Variants in HDLBP observed in about 807,000 individuals in gnomAD.
HDLBP encodes the protein vigilin.
A neutral mutation model predicts 137.3 loss-of-function variants in HDLBP; 30 were observed. That is an observed-to-expected ratio of 0.22 (90% CI 0.16 to 0.30). The LOEUF is 0.30. Among genes scored for constraint, HDLBP ranks in the 10% least tolerant of loss-of-function variants. The pLI, the probability that HDLBP is intolerant of heterozygous loss-of-function variation, is 1.00. For missense variants in HDLBP, 1,119 were observed against 1,667.3 expected (o/e 0.67, Z 5.73); for synonymous variants, 606 against 596.0 (o/e 1.02, Z -0.24).
intron 10 of HDLBP, 107 bp downstream of exon 10, chr2:241,253,286 G>A (rs2072346213): frequency 1.2e-6 from 1 of 823,960 alleles, no homozygotes; most frequent in African/African-American, 1.7e-5. Flanking sequence ...GGATGCCCTG[G>A]GTGTCTGTGC....
intron 1 of HDLBP, among the ~76,000 whole-genome samples, chr2:241,292,950 T>C (rs1460332886): frequency 1.3e-5 from 2 of 152,144 alleles, no homozygotes; most frequent in Non-Finnish European, 2.9e-5. Context: ...GGAGGATCAC[T>C]TGAGTGCGGG....
At position 241,239,713 on chromosome 2, in the gene HDLBP, C is replaced by A. The variant is rs987997770; in HGVS notation, c.2499G>T (p.Val833=). ...TGCCAGAGCGTGGGAAGCTGACCAT[C>A]ACCCCGCCATACTCTTCAGCAATCT... ...LREIAEEYGG[V]MVSFPRSGTQ... Residue 833 remains valine (V), a synonymous_variant, in exon 19 of 28, where the codon GTG becomes GTT. Coordinates refer to ENST00000310931, the MANE Select transcript of HDLBP (RefSeq NM_005336.6). The surrounding 1 kb of genome is among the most constrained non-coding windows in gnomAD (Gnocchi z 4.6). The A allele has an allele frequency of 1.9e-6, 3 of 1,614,176 alleles. No homozygotes were observed. Among genetic ancestry groups the A allele is most frequent in the Non-Finnish European group, 2.5e-6 (3 of 1,180,040 alleles).
At chr2:241,299,743 A>C (rs2075325346) in intron 1 of HDLBP, among the ~76,000 whole-genome samples, 1 of 151,722 alleles carries the variant, frequency 6.6e-6, no homozygotes, top group African/African-American at 2.4e-5. Flanking sequence ...GTGAAACCCT[A>C]TCTCTACTAA....
intron 1 of HDLBP, among the ~76,000 whole-genome samples, chr2:241,285,177 G>C (rs2074756601): frequency 6.6e-6 from 1 of 152,232 alleles, no homozygotes; most frequent in African/African-American, 2.4e-5. Flanking sequence ...ACTGCGCCCA[G>C]CCTTAACCAT....
chr2:241,228,007 T>C lies in HDLBP; in HGVS notation c.*1594A>G, dbSNP rs1468704044. The stretch of plus-strand genomic sequence containing the variant: ...GCCCATTCAGGGCTGCCTGAGCAAA[T>C]GGGGACTTGCCGAGGCAGCTGCAAC... On this transcript the variant is annotated 3_prime_UTR_variant, in exon 28 of 28. Transcript: ENST00000310931. 6.6e-6 allele frequency: 1 copy of C among 152,182 alleles called. No individual in the cohort carries two copies. The highest frequency in any genetic ancestry group is 1.5e-5 in the Non-Finnish European group (1 of 68,034). 9.4% of individuals were successfully genotyped at this position (152,182 alleles called of 1,614,324 possible). A position where few individuals can be genotyped will look rare whatever the true frequency, so the allele number is the denominator to read the frequency against.
At position 241,229,818 on chromosome 2, in the gene HDLBP, A is replaced by G; in HGVS notation, c.3720+15T>C. The G allele has an allele frequency of 9.6e-7, 1 of 1,044,550 alleles. No individual in the cohort carries two copies. The allele number at this position is 1,044,550 out of a possible 1,614,324, so 64.7% of individuals were successfully genotyped here. On this transcript the variant is annotated intron_variant, in intron 27 of 27. Transcript: ENST00000310931. ...CCCTCCCTGGGACCCAGGAGGGCAG[A>G]AGCCCGCATCTGACCTTCTCACTGC...
At position 241,272,235 on chromosome 2, in the gene HDLBP, AC is replaced by A; in HGVS notation, c.-102-3695del. The A allele has an allele frequency of 1.0e-6, 1 of 963,198 alleles. No homozygotes were observed. Among genetic ancestry groups the A allele is most frequent in the Non-Finnish European group, 1.2e-6 (1 of 812,142 alleles). The allele number at this position is 963,198 out of a possible 1,614,324, so 59.7% of individuals were successfully genotyped here. On this transcript the variant is annotated intron_variant, in intron 1 of 27. Coordinates refer to ENST00000310931, the MANE Select transcript of HDLBP (RefSeq NM_005336.6). The surrounding 1 kb of genome is among the most constrained non-coding windows in gnomAD (Gnocchi z 5.6). The stretch of plus-strand genomic sequence containing the variant: ...GCCCCGCCGCCCGGTCTGCGCCCAG[AC>A]CCCCGCCCCGCCGCCACCTGGGGGG...
intron 2 of HDLBP, 107 bp downstream of exon 2, chr2:241,268,370 A>C (rs2073834140): frequency 1.5e-6 from 1 of 676,058 alleles, no homozygotes; most frequent in Admixed American, 6.3e-5. Flanking sequence ...TGAAGGTGTG[A>C]TATAAAGAAA....
intron 11 of HDLBP, 145 bp from the exon 12 acceptor site, chr2:241,250,125 A>G: frequency 1.3e-6 from 1 of 762,872 alleles, no homozygotes; most frequent in South Asian, 2.0e-5. Context: ...TCCCAAACAA[A>G]AATCTCCATT....
At chr2:241,265,251 T>G (rs2073564216) in intron 3 of HDLBP, among the ~76,000 whole-genome samples, 1 of 152,202 alleles carries the variant, frequency 6.6e-6, no homozygotes. Flanking sequence ...AAACCCTGTC[T>G]CTACTAATAA....
intron 1 of HDLBP, among the ~76,000 whole-genome samples, chr2:241,286,638 C>CA (rs1214938070): frequency 6.6e-6 from 1 of 152,216 alleles, no homozygotes; most frequent in Non-Finnish European, 1.5e-5. Context: ...ACCTTGGGCA[C>CA]ACGTCATCAG....
intron 5 of HDLBP, among the ~76,000 whole-genome samples, chr2:241,258,451 G>A (rs1238137804): frequency 6.6e-6 from 1 of 151,912 alleles, no homozygotes; most frequent in Non-Finnish European, 1.5e-5. Context: ...CTGAGCCTAG[G>A]AGGTTGAGGC....
At chr2:241,304,500 C>G (rs2075504429) in intron 1 of HDLBP, among the ~76,000 whole-genome samples, 1 of 152,240 alleles carries the variant, frequency 6.6e-6, no homozygotes, top group African/African-American at 2.4e-5. Context: ...CCAGTGCTAA[C>G]AAGCAGCAGG....
At chr2:241,279,996 G>A (rs2074536804) in intron 1 of HDLBP, 18 of 985,232 alleles carry the variant, frequency 1.8e-5, no homozygotes, top group African/African-American at 5.2e-5. Context: ...GAGGAGCAGC[G>A]GACCAGGGGT....
At chr2:241,286,621 T>C (rs895314981) in intron 1 of HDLBP, among the ~76,000 whole-genome samples, 2 of 152,184 alleles carry the variant, frequency 1.3e-5, no homozygotes, top group African/African-American at 4.8e-5. Flanking sequence ...CAGACTGTGC[T>C]CTGCCCACCT....
intron 16 of HDLBP, chr2:241,246,533 G>C (rs1423146334): frequency 2.0e-6 from 1 of 489,192 alleles, no homozygotes. Context: ...AAGTGCCCAC[G>C]TCAAATGTTA....
chr2:241,244,128 T>A (rs1438219247), intron 16 of HDLBP, among the ~76,000 whole-genome samples: 1 of 152,174 alleles, frequency 6.6e-6, no homozygotes, highest in Non-Finnish European at 1.5e-5. Flanking sequence ...TGAGGCAGAT[T>A]AGAACACTGC....
chr2:241,267,520 C>A lies in HDLBP; in HGVS notation c.-37-614G>T, dbSNP rs1232945941. ...CCCAGGCTCCAGGCATAGATCAACA[C>A]CAGGATCGTTCTCCTAACAGCGACC... On this transcript the variant is annotated intron_variant, in intron 2 of 27. Coordinates refer to ENST00000310931, the MANE Select transcript of HDLBP (RefSeq NM_005336.6). 4 of 1,485,988 alleles carry A rather than the reference C, an allele frequency of 2.7e-6. No homozygotes were observed. In the South Asian group the frequency reaches 3.6e-5, roughly 13 times the overall value. 92.1% of individuals were successfully genotyped at this position (1,485,988 alleles called of 1,614,324 possible).
intron 23 of HDLBP, 37 bp downstream of exon 23, chr2:241,235,084 A>G: frequency 1.2e-6 from 2 of 1,605,630 alleles, no homozygotes; most frequent in Non-Finnish European, 1.7e-6. Flanking sequence ...GCTGAGCACC[A>G]TGGCTCTGGG....
Sources: gnomAD v4.1 joint callset for allele counts (sites outside exome capture counted in the v4.1 genomes callset) on GRCh38, gnomAD v4.1.1 for gene constraint, Gnocchi (gnomAD v3.1) non-coding constraint, MANE v1.5 for transcripts, NCBI Gene and HGNC (gene_info 2026-07-23, HGNC 2026-07-21) for gene names.